The following CDH4 variants were observed in gnomAD, a reference collection of about 807,000 sequenced individuals.
CDH4 encodes cadherin 4.
A neutral mutation model predicts 86.0 loss-of-function variants in CDH4; 33 were observed. That is an observed-to-expected ratio of 0.38 (90% confidence interval 0.29 to 0.51). CDH4 has a LOEUF of 0.51. CDH4 is among the 20% of genes least tolerant of loss of function. The probability of loss-of-function intolerance (pLI) is 0.86; values close to 1 mark genes in which losing one functional copy is unlikely to be tolerated. For missense variants in CDH4, 1,114 were observed against 1,307.4 expected, an observed-to-expected ratio of 0.85 and a Z score of 2.28; for synonymous variants, 555 against 549.4, an observed-to-expected ratio of 1.01 and a Z score of -0.14.
chr20:61,560,463 G>C (rs1228501098), intron 2 of CDH4, among the ~76,000 whole-genome samples: 2 of 152,202 alleles, frequency 1.3e-5, no homozygotes, highest in African/African-American at 4.8e-5. Flanking sequence ...CACAGTTGTG[G>C]GGGAAGTTAT....
chr20:61,520,482 G>T (rs73150281), intron 2 of CDH4, among the ~76,000 whole-genome samples: 1 of 152,174 alleles, frequency 6.6e-6, no homozygotes, highest in Non-Finnish European at 1.5e-5. Flanking sequence ...TGGAGGGGTG[G>T]TGTGTGTGTC....
chr20:61,364,058 A>T (rs1354757830), intron 2 of CDH4, among the ~76,000 whole-genome samples: 1 of 152,150 alleles, frequency 6.6e-6, no homozygotes, highest in Non-Finnish European at 1.5e-5. Context: ...TGTCGTTTAG[A>T]CACTCACCAT....
chr20:61,692,359 A>G (rs2087669342), intron 2 of CDH4, among the ~76,000 whole-genome samples: 1 of 152,172 alleles, frequency 6.6e-6, no homozygotes, highest in Admixed American at 6.5e-5. Flanking sequence ...AACTTGAATC[A>G]AGGAATTTAT....
At chr20:61,430,999 G>A (rs761189581) in intron 2 of CDH4, among the ~76,000 whole-genome samples, 20 of 152,148 alleles carry the variant, frequency 1.3e-4, no homozygotes, top group African/African-American at 2.4e-4. Context: ...CCTCCTTCCC[G>A]AGGGGCCACA....
At chr20:61,772,210 A>G (rs906405261) in intron 3 of CDH4, among the ~76,000 whole-genome samples, 5 of 152,216 alleles carry the variant, frequency 3.3e-5, no homozygotes, top group Admixed American at 6.5e-5. Flanking sequence ...CCCACGTCAC[A>G]TGAGCTTTTG....
rs373256907 is a variant in CDH4, at chr20:61,809,075, G to A, written c.577-35593G>A. 5.3e-5 allele frequency among the ~76,000 whole-genome samples: 8 copies of A among 152,364 alleles called. No individual in the cohort carries two copies. In the South Asian group the frequency reaches 1.4e-3, roughly 28 times the overall value. On this transcript the variant is annotated intron_variant, in intron 4 of 15. Transcript: ENST00000614565. ...ACGCCTGGCACCTTGGAAAATGCCC[G>A]TGTCCATGGCTGCAGGCACGTGGCC...
In CDH4 at chr20:61,830,720, G is replaced by A. The variant is rs564672317; in HGVS notation, c.577-13948G>A. Among the ~76,000 whole-genome samples, 4 of 152,362 alleles carry A rather than the reference G, an allele frequency of 2.6e-5. No homozygotes were observed. The East Asian group carries it at 7.7e-4, about 29-fold the overall frequency. On this transcript the variant is annotated intron_variant, in intron 4 of 15. Coordinates refer to ENST00000614565, the MANE Select transcript of CDH4 (RefSeq NM_001794.5). ...CGAGGCCAGAATCCATCGCAGGCAG[G>A]CCCTGCAGAGCGGCAGGAGCGGGCG... is the stretch of plus-strand genomic sequence containing the variant.
intron 2 of CDH4, among the ~76,000 whole-genome samples, chr20:61,386,931 C>G (rs1050366770): frequency 2.0e-5 from 3 of 152,212 alleles, no homozygotes; most frequent in Non-Finnish European, 4.4e-5. Context: ...GACCACACTC[C>G]GGGTCAATAC....
At chr20:61,483,443 T>C (rs2085578740) in intron 2 of CDH4, among the ~76,000 whole-genome samples, 1 of 152,192 alleles carries the variant, frequency 6.6e-6, no homozygotes, top group African/African-American at 2.4e-5. Flanking sequence ...CGGTTATGGT[T>C]ACAAGAATTC....
intron 4 of CDH4, among the ~76,000 whole-genome samples, chr20:61,781,495 G>A (rs575875333): frequency 9.2e-5 from 14 of 152,292 alleles, no homozygotes; most frequent in South Asian, 6.2e-4. Context: ...TATCTCTAAC[G>A]GAAAACTCAC....
rs1344453730 is a variant in CDH4, at chr20:61,620,841, C to T, written c.170-122722C>T. ...CACATTCTCCCTGGCCATGCCATCC[C>T]GGTTATCAAACAGGAATGTCAAGCC... On this transcript the variant is annotated intron_variant, in intron 2 of 15. Transcript: ENST00000614565. 3.9e-5 allele frequency among the ~76,000 whole-genome samples: 6 copies of T among 152,302 alleles called. No homozygotes were observed. In the South Asian group the frequency reaches 6.2e-4, roughly 16 times the overall value.
intron 2 of CDH4, among the ~76,000 whole-genome samples, chr20:61,560,509 T>C (rs558027804): frequency 6.4e-4 from 97 of 152,342 alleles, no homozygotes; most frequent in African/African-American, 2.3e-3. Context: ...GCCACGTTTT[T>C]AGGAGCCACA....
intron 2 of CDH4, among the ~76,000 whole-genome samples, chr20:61,705,951 C>T (rs911111204): frequency 6.6e-6 from 1 of 152,198 alleles, no homozygotes. Context: ...GTAAATTCCA[C>T]GCCGCTTCCT....
intron 6 of CDH4, among the ~76,000 whole-genome samples, chr20:61,855,474 G>C (rs187364156): frequency 8.9e-4 from 135 of 152,304 alleles, no homozygotes; most frequent in African/African-American, 3.1e-3. Flanking sequence ...CCCCTCGCAA[G>C]GGTGCAGATG....
intron 9 of CDH4, 75 bp downstream of exon 9, chr20:61,910,682 G>T: frequency 7.4e-7 from 1 of 1,349,900 alleles, no homozygotes. Context: ...CAGTCAAACA[G>T]GAGTGATACT....
chr20:61,454,667 G>C (rs1042720228), intron 2 of CDH4, among the ~76,000 whole-genome samples: 1 of 152,126 alleles, frequency 6.6e-6, no homozygotes, highest in Non-Finnish European at 1.5e-5. Flanking sequence ...GGATGGTCTC[G>C]ATCTCCTGAC....
intron 6 of CDH4, among the ~76,000 whole-genome samples, chr20:61,862,519 C>T (rs921275432): frequency 1.3e-5 from 2 of 152,206 alleles, no homozygotes; most frequent in African/African-American, 2.4e-5. Context: ...TGAGGCCAGG[C>T]GTCTCGTCCA....
At chr20:61,785,449 C>T (rs2146006063) in intron 4 of CDH4, among the ~76,000 whole-genome samples, 1 of 152,322 alleles carries the variant, frequency 6.6e-6, no homozygotes, top group Non-Finnish European at 1.5e-5. Flanking sequence ...CTGCTAGAGG[C>T]AGGAGCTGGA....
intron 2 of CDH4, among the ~76,000 whole-genome samples, chr20:61,542,600 G>A (rs1286407995): frequency 6.6e-6 from 1 of 152,064 alleles, no homozygotes; most frequent in African/African-American, 2.4e-5. Flanking sequence ...ACTATATTGG[G>A]GAATTTTTTT....
Sources: gnomAD v4.1 joint callset for allele counts (sites outside exome capture counted in the v4.1 genomes callset) on GRCh38, gnomAD v4.1.1 for gene constraint, MANE v1.5 for transcripts, NCBI Gene and HGNC (gene_info 2026-07-23, HGNC 2026-07-21) for gene names.